PLEKHM1: variants seen among roughly 807,000 people sequenced by gnomAD.
The protein encoded by PLEKHM1 is pleckstrin homology and RUN domain containing M1.
Under a neutral mutation model 94.3 loss-of-function variants are expected in PLEKHM1, and 28 were observed. The observed-to-expected ratio is 0.30, with a 90% CI of 0.22 to 0.41. The LOEUF (loss-of-function observed/expected upper bound fraction) is 0.41, where lower values mean the gene tolerates loss of function less well. PLEKHM1 is among the 10% of genes least tolerant of loss of function. The probability of loss-of-function intolerance (pLI) is 1.00; values close to 1 mark genes in which losing one functional copy is unlikely to be tolerated. For synonymous variants in PLEKHM1, 424 were observed against 581.2 expected (o/e 0.73, Z 3.89); for missense variants, 907 against 1,358.6 (o/e 0.67, Z 5.22).
At position 45,473,653 on chromosome 17, in the gene PLEKHM1, G is replaced by C. The variant is rs572667341; in HGVS notation, c.923+1447C>G. ...GGCTCACTGCAAGCTCCGCCTCCTG[G>C]GTCCACACCATTCTCCTGCCTCAGC... On this transcript the variant is annotated intron_variant, in intron 4 of 11. Coordinates refer to ENST00000430334, the MANE Select transcript of PLEKHM1 (RefSeq NM_014798.3). 2.0e-5 allele frequency among the ~76,000 whole-genome samples: 3 copies of C among 151,962 alleles called. No homozygotes were observed. The East Asian group carries it at 5.8e-4, about 29-fold the overall frequency.
intron 4 of PLEKHM1, among the ~76,000 whole-genome samples, chr17:45,470,919 GC>G (rs1194599102): frequency 2.0e-5 from 3 of 151,878 alleles, no homozygotes; most frequent in Non-Finnish European, 4.4e-5. Context: ...GCCTGCTTTG[GC>G]CTCACAAAGT....
At chr17:45,460,355 G>A (rs2051115961) in intron 5 of PLEKHM1, 1 of 151,996 alleles carries the variant, frequency 6.6e-6, no homozygotes, top group Non-Finnish European at 1.5e-5. Context: ...CGCCTCCCAG[G>A]TTCAAGCAAT....
At position 45,444,922 on chromosome 17, in the gene PLEKHM1, C is replaced by T. The variant is rs2050555860; in HGVS notation, c.2837+548G>A. 6.6e-6 allele frequency among the ~76,000 whole-genome samples: 1 copy of T among 152,102 alleles called. No homozygotes were observed. The highest frequency in any genetic ancestry group is 2.4e-5 in the African/African-American group (1 of 41,406). On this transcript the variant is annotated intron_variant, in intron 9 of 11. Coordinates refer to ENST00000430334, the MANE Select transcript of PLEKHM1 (RefSeq NM_014798.3). This position sits in a 1 kb window ranked among gnomAD's most constrained non-coding sequence, Gnocchi z 5.0. ...CACCTGTCTCCCTCTCACCCTCACCCCCGGATGGAGTTGCTGGCTTTCCCA... is the reference window on the plus strand; with the variant it reads ...CACCTGTCTCCCTCTCACCCTCACCTCCGGATGGAGTTGCTGGCTTTCCCA...
At chr17:45,446,078 G>A (rs71373570) in intron 8 of PLEKHM1, 7 of 298,536 alleles carry the variant, frequency 2.3e-5, no homozygotes, top group South Asian at 1.8e-4. Context: ...ACCAGGTGAC[G>A]GGCTGAGTCA....
At position 45,439,245 on chromosome 17, in the gene PLEKHM1, CAG is replaced by C. The variant is rs2050363149; in HGVS notation, c.3059+230_3059+231del. 2.0e-5 allele frequency among the ~76,000 whole-genome samples: 3 copies of C among 152,240 alleles called. No individual in the cohort carries two copies. The South Asian group carries it at 6.2e-4, about 31-fold the overall frequency. On this transcript the variant is annotated intron_variant, in intron 11 of 11. Transcript: ENST00000430334. Reference sequence around the variant, plus strand: ...AGGAAGAGAGATGGTTCCATAGAGGCAGAGGAGTCCTGGGAAAGCTTGTCTTG... The same window carrying C: ...AGGAAGAGAGATGGTTCCATAGAGGCAGGAGTCCTGGGAAAGCTTGTCTTG...
chr17:45,472,056 T>G (rs1488951661), intron 4 of PLEKHM1, among the ~76,000 whole-genome samples: 2 of 152,256 alleles, frequency 1.3e-5, no homozygotes, highest in Non-Finnish European at 2.9e-5. Flanking sequence ...ATGTTTGATT[T>G]GTGGATGTTT....
At chr17:45,474,952 C>G (rs1013070049) in intron 4 of PLEKHM1, 148 bp downstream of exon 4, 77 of 795,572 alleles carry the variant, frequency 9.7e-5, no homozygotes, top group Non-Finnish European at 1.4e-4. Flanking sequence ...ACTCCAGTCC[C>G]TGGAGAAGTC....
intron 5 of PLEKHM1, among the ~76,000 whole-genome samples, chr17:45,461,466 G>A (rs1450304953): frequency 6.6e-6 from 1 of 152,188 alleles, no homozygotes. Context: ...CATTGCCTAA[G>A]TCAGTATCAC....
intron 11 of PLEKHM1, 97 bp downstream of exon 11, chr17:45,439,380 C>G: frequency 7.3e-7 from 1 of 1,371,518 alleles, no homozygotes; most frequent in Non-Finnish European, 1.0e-6. Context: ...TAAGTTCCTG[C>G]CCACAGAGCG....
rs1327264334 is a variant in PLEKHM1 at position 45,436,212 on chromosome 17, C to T, written c.*1646G>A. The T allele has an allele frequency of 4.4e-6, 2 of 454,358 alleles. No homozygotes were observed. Among genetic ancestry groups the T allele is most frequent in the South Asian group, 1.6e-5 (1 of 64,490 alleles). The allele number at this position is 454,358 out of a possible 1,614,324, so 28.1% of individuals were successfully genotyped here. A position where few individuals can be genotyped will look rare whatever the true frequency, so the allele number is the denominator to read the frequency against. On this transcript the variant is annotated 3_prime_UTR_variant, in exon 12 of 12. Coordinates refer to ENST00000430334, the MANE Select transcript of PLEKHM1 (RefSeq NM_014798.3). ...AGCCCTCCCCAGGCCAGGCTCCTGC[C>T]CACTCAGGGATGGGGCAATGAGGGC... is the stretch of plus-strand genomic sequence containing the variant.
intron 4 of PLEKHM1, among the ~76,000 whole-genome samples, chr17:45,468,951 C>T (rs1332087067): frequency 1.3e-5 from 2 of 151,674 alleles, no homozygotes; most frequent in Admixed American, 6.6e-5. Flanking sequence ...GTTGTGTGGG[C>T]AATCGTTTCC....
In PLEKHM1 at chr17:45,436,882, G is replaced by T. The variant is rs1156915362; in HGVS notation, c.*976C>A. ...GGCGTGGCTGCCTGCCCTCTCTGGG[G>T]TCCTGCCTATCTGTGCCCTGGCAGG... On this transcript the variant is annotated 3_prime_UTR_variant, in exon 12 of 12. Transcript: ENST00000430334. 6.6e-6 allele frequency: 3 copies of T among 452,296 alleles called. No homozygotes were observed. The highest frequency in any genetic ancestry group is 6.0e-5 in the African/African-American group (3 of 49,956). 28.0% of individuals were successfully genotyped at this position (452,296 alleles called of 1,614,324 possible). A position where few individuals can be genotyped will look rare whatever the true frequency, so the allele number is the denominator to read the frequency against.
intron 5 of PLEKHM1, chr17:45,459,776 T>C (rs1272401039): frequency 2.5e-5 from 3 of 118,096 alleles, no homozygotes; most frequent in African/African-American, 8.6e-5. Context: ...CCTTGGGAAA[T>C]CTATCCAAAT....
At position 45,439,873 on chromosome 17, in the gene PLEKHM1, C is replaced by A. The variant is rs35867867; in HGVS notation, c.2902-239G>T. ...CACTGGGGGCTAATGGGATTTATAGCTGAGACCCAAATTCACTGTACCCTC... is the reference window on the plus strand; with the variant it reads ...CACTGGGGGCTAATGGGATTTATAGATGAGACCCAAATTCACTGTACCCTC... On this transcript the variant is annotated intron_variant, in intron 10 of 11. Coordinates refer to ENST00000430334, the MANE Select transcript of PLEKHM1 (RefSeq NM_014798.3). 4.8e-3 allele frequency among the ~76,000 whole-genome samples: 724 copies of A among 152,330 alleles called. 5 individuals carry two copies. The highest frequency in any genetic ancestry group is 0.017 in the African/African-American group (688 of 41,554).
chr17:45,478,472 T>C (rs1309485701), intron 2 of PLEKHM1, among the ~76,000 whole-genome samples: 1 of 152,188 alleles, frequency 6.6e-6, no homozygotes, highest in Non-Finnish European at 1.5e-5. Context: ...TGTGTTTAAA[T>C]ATTGGCCCCA....
In PLEKHM1 at chr17:45,437,565, G is replaced by A. The variant is rs1009336470; in HGVS notation, c.*293C>T. Reference sequence around the variant, plus strand: ...TTTGGGCAGCCCTAACGGAGGCGCCGGGACGCTGGTGAGCCAGGGCCTGGT... The same window carrying A: ...TTTGGGCAGCCCTAACGGAGGCGCCAGGACGCTGGTGAGCCAGGGCCTGGT... On this transcript the variant is annotated 3_prime_UTR_variant, in exon 12 of 12. Coordinates refer to ENST00000430334, the MANE Select transcript of PLEKHM1 (RefSeq NM_014798.3). This position sits in a 1 kb window ranked among gnomAD's most constrained non-coding sequence, Gnocchi z 4.0. The A allele has an allele frequency of 2.4e-5, 15 of 630,276 alleles. No homozygotes were observed. Among genetic ancestry groups the A allele is most frequent in the Admixed American group, 6.3e-5 (3 of 47,812 alleles). The allele number at this position is 630,276 out of a possible 1,614,324, so 39.0% of individuals were successfully genotyped here.
chr17:45,469,438 C>G (rs1490994151), intron 4 of PLEKHM1, among the ~76,000 whole-genome samples: 4 of 152,216 alleles, frequency 2.6e-5, no homozygotes, highest in Non-Finnish European at 5.9e-5. Context: ...GCTCCTCCCT[C>G]TCCTGAGGCT....
chr17:45,476,502 G>A (rs2051742586), intron 3 of PLEKHM1, among the ~76,000 whole-genome samples: 1 of 152,192 alleles, frequency 6.6e-6, no homozygotes, highest in South Asian at 2.1e-4. Context: ...CCAGGAAAGA[G>A]AGGGTCTTAA....
At position 45,484,677 on chromosome 17, in the gene PLEKHM1, T is replaced by A. The variant is rs2052054620; in HGVS notation, c.-41-2152A>T. Among the ~76,000 whole-genome samples the A allele has an allele frequency of 2.0e-5, 3 of 152,270 alleles. No homozygotes were observed. In the South Asian group the frequency reaches 6.2e-4, roughly 32 times the overall value. On this transcript the variant is annotated intron_variant, in intron 1 of 11. Coordinates refer to ENST00000430334, the MANE Select transcript of PLEKHM1 (RefSeq NM_014798.3). ...CACATTTGGCTCAGAATAAACCTCT[T>A]CGAATATTTAACAGAGTTTGGCTTT... is the stretch of plus-strand genomic sequence containing the variant.
Sources: allele counts gnomAD v4.1 joint callset (sites outside exome capture counted in the v4.1 genomes callset), GRCh38; gene constraint gnomAD v4.1.1; non-coding constraint Gnocchi (gnomAD v3.1); transcripts MANE v1.5; gene names NCBI Gene and HGNC (gene_info 2026-07-23, HGNC 2026-07-21).